Variants in ANKRD36 observed in about 807,000 individuals in gnomAD.
The protein encoded by ANKRD36 is ankyrin repeat domain 36.
Under a neutral mutation model 278.1 loss-of-function variants are expected in ANKRD36, and 179 were observed. That is an observed-to-expected ratio of 0.64 (90% confidence interval 0.57 to 0.73). ANKRD36 has a LOEUF of 0.73. Ranked by LOEUF, ANKRD36 falls within the 30% of genes least tolerant of loss-of-function variation. ANKRD36 has a pLI of 0.00. For missense variants in ANKRD36, 1,159 were observed against 1,956.7 expected (o/e 0.59, Z 7.69); for synonymous variants, 320 against 641.1 (o/e 0.50, Z 7.57).
chr2:97,160,038 C>T (rs1270831703), intron 17 of ANKRD36, among the ~76,000 whole-genome samples: 2 of 152,272 alleles, frequency 1.3e-5, no homozygotes, highest in Non-Finnish European at 2.9e-5. Flanking sequence ...CCGCCTCGGC[C>T]TCCCTAAGTG....
At chr2:97,138,599 G>A (rs2153442984) in intron 6 of ANKRD36, among the ~76,000 whole-genome samples, 1 of 151,968 alleles carries the variant, frequency 6.6e-6, no homozygotes, top group South Asian at 2.1e-4. Flanking sequence ...AATTTCATAT[G>A]GAACCAAAAA....
At chr2:97,163,827 G>A (rs540677292) in intron 18 of ANKRD36, 6,835 of 980,106 alleles carry the variant, frequency 7.0e-3, no homozygotes, top group Middle Eastern at 0.024. Flanking sequence ...TGCCCGCCTC[G>A]GCCTCCCAAA....
intron 56 of ANKRD36, among the ~76,000 whole-genome samples, chr2:97,210,683 C>G (rs1212013708): frequency 6.6e-6 from 1 of 151,834 alleles, no homozygotes; most frequent in Non-Finnish European, 1.5e-5. Flanking sequence ...TAACGTGATA[C>G]TCCCAAAAAG....
chr2:97,200,145 C>A (rs1410369107), intron 44 of ANKRD36, among the ~76,000 whole-genome samples, 189 bp from the exon 45 acceptor site: 1 of 151,870 alleles, frequency 6.6e-6, no homozygotes, highest in Non-Finnish European at 1.5e-5. Context: ...GGGTGTATTT[C>A]ACAGAGCCTG....
At chr2:97,218,485 G>C (rs1427537440) in intron 64 of ANKRD36, among the ~76,000 whole-genome samples, 1 of 150,040 alleles carries the variant, frequency 6.7e-6, no homozygotes, top group Non-Finnish European at 1.5e-5. Flanking sequence ...GATAAATAAT[G>C]AATATTAACT....
intron 20 of ANKRD36, among the ~76,000 whole-genome samples, chr2:97,166,497 G>A (rs2078285024): frequency 6.6e-6 from 1 of 152,290 alleles, no homozygotes. Flanking sequence ...AAATGTGGAA[G>A]GCAAAGAATG....
chr2:97,144,579 A>T (rs758038773), intron 9 of ANKRD36, 33 bp downstream of exon 9: 24 of 1,572,510 alleles, frequency 1.5e-5, no homozygotes, highest in Non-Finnish European at 2.0e-5. Context: ...TTGAATAATT[A>T]ACTGTATAGT....
intron 6 of ANKRD36, among the ~76,000 whole-genome samples, chr2:97,140,384 T>A (rs994895061): frequency 1.1e-4 from 16 of 152,082 alleles, no homozygotes; most frequent in African/African-American, 3.6e-4. Flanking sequence ...TATGTGTAGT[T>A]AAACATAAAA....
chr2:97,149,665 G>T (rs568172407), intron 12 of ANKRD36, among the ~76,000 whole-genome samples: 1 of 151,988 alleles, frequency 6.6e-6, no homozygotes, highest in Admixed American at 6.6e-5. Context: ...TACAAATTTT[G>T]GTCTAGGCTT....
intron 62 of ANKRD36, chr2:97,216,592 G>C (rs1165188455): frequency 1.0e-5 from 2 of 190,692 alleles, no homozygotes; most frequent in Admixed American, 1.1e-4. Context: ...ATTACACCAC[G>C]TGGGTGTGAG....
At chr2:97,161,656 T>G (rs1056405687) in intron 17 of ANKRD36, among the ~76,000 whole-genome samples, 4 of 152,218 alleles carry the variant, frequency 2.6e-5, no homozygotes, top group Non-Finnish European at 5.9e-5. Context: ...ATCTCTCCAC[T>G]CCACTTTCTC....
chr2:97,205,458 C>T (rs1293056752), intron 50 of ANKRD36, among the ~76,000 whole-genome samples: 3 of 151,510 alleles, frequency 2.0e-5, no homozygotes, highest in African/African-American at 7.3e-5. Flanking sequence ...AGTGTAAGTT[C>T]AACTGAAGCA....
At chr2:97,198,557 T>C (rs1422386556) in intron 43 of ANKRD36, 29 bp from the exon 44 acceptor site, 2 of 1,553,328 alleles carry the variant, frequency 1.3e-6, no homozygotes, top group South Asian at 1.2e-5. Context: ...ACTTTATTAA[T>C]TTATTATTTC....
At position 97,192,139 on chromosome 2, in the gene ANKRD36, A is replaced by G. The variant is rs527837230; in HGVS notation, c.2348-719A>G. ...GCTAGTAGCAGTTTTACTCTGTAGA[A>G]TATGTCAAAATTGATAATTGATGAT... On this transcript the variant is annotated intron_variant, in intron 36 of 75. Transcript: ENST00000420699. 1.5e-3 allele frequency among the ~76,000 whole-genome samples: 222 copies of G among 151,504 alleles called. 5 individuals are homozygous for G. Among genetic ancestry groups the G allele is most frequent in the Admixed American group, 4.6e-3 (69 of 15,148 alleles).
rs2064668917 is a variant in ANKRD36 at position 97,211,687 on chromosome 2, G to A, written c.3415G>A (p.Asp1139Asn). The A allele has an allele frequency of 6.3e-7, 1 of 1,594,938 alleles. No homozygotes were observed. The highest frequency in any genetic ancestry group is 1.3e-5 in the African/African-American group (1 of 74,266). Residue 1139 changes from aspartate (D) to asparagine (N), a missense_variant, in exon 58 of 76, where the codon GAT becomes AAT. Coordinates refer to ENST00000420699, the MANE Select transcript of ANKRD36 (RefSeq NM_001354587.1). ...PALKAICDKEDSVPNMATEKK... is the reference protein window; with the variant it reads ...PALKAICDKENSVPNMATEKK... The stretch of plus-strand genomic sequence containing the variant: ...TATTCAGGCTATCTGTGACAAGGAA[G>A]ATTCTGTTCCGAATATGGCCACGGA...
At chr2:97,177,894 T>G (rs1191476268) in intron 22 of ANKRD36, among the ~76,000 whole-genome samples, 1 of 151,308 alleles carries the variant, frequency 6.6e-6, no homozygotes, top group East Asian at 1.9e-4. Flanking sequence ...ACAGGCAACC[T>G]ACAAAATGGG....
intron 42 of ANKRD36, among the ~76,000 whole-genome samples, chr2:97,198,136 G>GGA: frequency 6.6e-6 from 1 of 151,906 alleles, no homozygotes; most frequent in East Asian, 1.9e-4. Flanking sequence ...TTGATTCTCA[G>GGA]GTGCATGAGT....
intron 54 of ANKRD36, 126 bp downstream of exon 54, chr2:97,208,132 A>C: frequency 9.3e-7 from 1 of 1,074,546 alleles, no homozygotes; most frequent in Non-Finnish European, 1.3e-6. Context: ...GAGATTCTTC[A>C]TTTCAAATAA....
intron 12 of ANKRD36, among the ~76,000 whole-genome samples, chr2:97,149,672 G>T (rs1369201594): frequency 6.6e-6 from 1 of 151,922 alleles, no homozygotes; most frequent in African/African-American, 2.4e-5. Context: ...TTTGGTCTAG[G>T]CTTATTTGAG....
Sources: gnomAD v4.1 joint callset for allele counts (sites outside exome capture counted in the v4.1 genomes callset) on GRCh38, gnomAD v4.1.1 for gene constraint, MANE v1.5 for transcripts, NCBI Gene and HGNC (gene_info 2026-07-23, HGNC 2026-07-21) for gene names.